The following VSTM4 variants were observed in gnomAD, a reference collection of about 807,000 sequenced individuals.
VSTM4 encodes V-set and transmembrane domain containing 4.
Under a neutral mutation model 36.4 loss-of-function variants are expected in VSTM4, and 20 were observed. The ratio of observed to expected loss-of-function variants is 0.55; its 90% CI spans 0.39 to 0.80. VSTM4 has a LOEUF of 0.80. VSTM4 is among the 30% of genes least tolerant of loss of function. The pLI, the probability that VSTM4 is intolerant of heterozygous loss-of-function variation, is 0.00. For synonymous variants in VSTM4, 182 were observed against 173.9 expected (o/e 1.05, Z -0.37); for missense variants, 392 against 404.5 (o/e 0.97, Z 0.26).
rs1394308527 is a variant in VSTM4 at position 49,115,430 on chromosome 10, C to CCCGGAG, written c.50_55dup (p.Ala17_Pro18dup). Reference sequence around the variant, plus strand: ...CTCCCGCCTGGCCCCGCCGCGCTTACCCGGAGCCGGAGCCCGCGCCAGCAG... The same window carrying CCCGGAG: ...CTCCCGCCTGGCCCCGCCGCGCTTACCCGGAGCCGGAGCCGGAGCCCGCGCCAGCAG... On this transcript the variant is annotated inframe_insertion and splice_region_variant. Transcript: ENST00000332853. The CCCGGAG allele has an allele frequency of 3.8e-6, 4 of 1,043,200 alleles. No individual in the cohort carries two copies. The highest frequency in any genetic ancestry group is 6.4e-5 in the South Asian group (2 of 31,056). 64.6% of individuals were successfully genotyped at this position (1,043,200 alleles called of 1,614,324 possible).
rs1210848915 is a variant in VSTM4 at position 49,016,890 on chromosome 10, A to G, written c.*2760T>C. 1 of 152,376 alleles carries G rather than the reference A, an allele frequency of 6.6e-6. No individual in the cohort carries two copies. The highest frequency in any genetic ancestry group is 1.5e-5 in the Non-Finnish European group (1 of 68,078). The allele number at this position is 152,376 out of a possible 1,614,324, so 9.4% of individuals were successfully genotyped here. A position where few individuals can be genotyped will look rare whatever the true frequency, so the allele number is the denominator to read the frequency against. ...CCTCCCGGCTTCCTGTGCTGACTCC[A>G]TGCCAACCATGCCAAGGCCAAAACT... On this transcript the variant is annotated 3_prime_UTR_variant, in exon 8 of 8. Transcript: ENST00000332853.
At chr10:49,104,902 C>A (rs977766978) in intron 2 of VSTM4, among the ~76,000 whole-genome samples, 5 of 134,634 alleles carry the variant, frequency 3.7e-5, no homozygotes, top group African/African-American at 1.4e-4. Context: ...GAGAGAGACA[C>A]AGAGAGAGAG....
chr10:49,029,415 C>A (rs529949478), intron 7 of VSTM4, among the ~76,000 whole-genome samples: 3 of 152,338 alleles, frequency 2.0e-5, no homozygotes, highest in African/African-American at 7.2e-5. Context: ...CTTCTGAGAA[C>A]AGAACTCAGA....
intron 5 of VSTM4, among the ~76,000 whole-genome samples, chr10:49,054,938 AG>A (rs34104152): frequency 0.37 from 56,568 of 152,052 alleles, 11,728 homozygotes; most frequent in African/African-American, 0.56. Flanking sequence ...CCTCTGGCCC[AG>A]GGCGATCTTT....
chr10:49,042,414 T>C (rs1242486431), intron 7 of VSTM4, among the ~76,000 whole-genome samples: 1 of 152,176 alleles, frequency 6.6e-6, no homozygotes, highest in African/African-American at 2.4e-5. Flanking sequence ...GAAGACTCTT[T>C]AAAAAACAGG....
At chr10:49,056,208 C>G (rs151060948) in intron 5 of VSTM4, among the ~76,000 whole-genome samples, 1 of 152,248 alleles carries the variant, frequency 6.6e-6, no homozygotes, top group Non-Finnish European at 1.5e-5. Flanking sequence ...CCTGCAGCCG[C>G]GAGGGAAGCT....
intron 7 of VSTM4, among the ~76,000 whole-genome samples, chr10:49,033,706 T>A (rs942313118): frequency 2.0e-5 from 3 of 152,218 alleles, no homozygotes; most frequent in Non-Finnish European, 4.4e-5. Context: ...AGCTCTGCCA[T>A]GTCCTAGTGG....
At chr10:49,025,077 G>A (rs538499198) in intron 7 of VSTM4, among the ~76,000 whole-genome samples, 1 of 152,052 alleles carries the variant, frequency 6.6e-6, no homozygotes, top group African/African-American at 2.4e-5. Flanking sequence ...AGGAGAAGGC[G>A]GCATCTGCAA....
Position 49,115,475 on chromosome 10 carries a change from A to T in VSTM4, c.11T>A (p.Leu4Gln), listed in dbSNP as rs1292668789. Residue 4 changes from leucine to glutamine, a missense_variant, in exon 1 of 8, where the codon CTG becomes CAG. By Grantham distance (113) the Leu-to-Gln change is moderately radical (BLOSUM62 -2). Coordinates refer to ENST00000332853, the MANE Select transcript of VSTM4 (RefSeq NM_001031746.5). ...CAGCAGCGCGGCCGCCGCCAGTGCC[A>T]GCAGCCGCATCTCCCCGCCGCCGCC... Reference protein sequence around the residue: MRLLALAAAALLAR... With the variant: MRLQALAAAALLAR... The T allele has an allele frequency of 1.9e-6, 2 of 1,028,808 alleles. No homozygotes were observed. Among genetic ancestry groups the T allele is most frequent in the African/African-American group, 3.5e-5 (2 of 57,338 alleles). 63.7% of individuals were successfully genotyped at this position (1,028,808 alleles called of 1,614,324 possible).
At position 49,046,335 on chromosome 10, in the gene VSTM4, C is replaced by T. The variant is rs79417421; in HGVS notation, c.837+648G>A. ...CAAGGCCAAGAAAGAAAAAGAAAGCCTGCAAATCTGTCTTGGATTGTTGGA... is the reference window on the plus strand; with the variant it reads ...CAAGGCCAAGAAAGAAAAAGAAAGCTTGCAAATCTGTCTTGGATTGTTGGA... On this transcript the variant is annotated intron_variant, in intron 7 of 7. Coordinates refer to ENST00000332853, the MANE Select transcript of VSTM4 (RefSeq NM_001031746.5). 0.011 allele frequency among the ~76,000 whole-genome samples: 1,601 copies of T among 152,286 alleles called. 60 individuals are homozygous for T. The South Asian group carries it at 0.12, about 12-fold the overall frequency.
At chr10:49,104,948 CAGAG>C (rs1844740920) in intron 2 of VSTM4, among the ~76,000 whole-genome samples, 1 of 143,694 alleles carries the variant, frequency 7.0e-6, no homozygotes, top group South Asian at 2.4e-4. Flanking sequence ...GAGAAAGACA[CAGAG>C]GGAGAGAGAC....
At chr10:49,070,451 A>G (rs1464734861) in intron 4 of VSTM4, among the ~76,000 whole-genome samples, 1 of 151,930 alleles carries the variant, frequency 6.6e-6, no homozygotes, top group Non-Finnish European at 1.5e-5. Context: ...TGGCTGACAT[A>G]TTTCTAGGGG....
intron 2 of VSTM4, among the ~76,000 whole-genome samples, chr10:49,105,295 C>G (rs1844757679): frequency 9.0e-6 from 1 of 111,550 alleles, no homozygotes; most frequent in African/African-American, 3.6e-5. Context: ...CGAAGAGACA[C>G]AGAGGGAGGA....
intron 2 of VSTM4, among the ~76,000 whole-genome samples, chr10:49,093,639 ACTG>A (rs1332823443): frequency 6.6e-6 from 1 of 150,826 alleles, no homozygotes; most frequent in African/African-American, 2.4e-5. Context: ...AAAATCCATC[ACTG>A]TGCACCAGAC....
chr10:49,055,131 A>T (rs1231639956), intron 5 of VSTM4, among the ~76,000 whole-genome samples: 1 of 152,122 alleles, frequency 6.6e-6, no homozygotes, highest in Non-Finnish European at 1.5e-5. Context: ...CAAGCCAAAG[A>T]TCCCCATTCA....
intron 1 of VSTM4, among the ~76,000 whole-genome samples, chr10:49,108,551 A>G (rs868741144): frequency 6.6e-6 from 1 of 152,134 alleles, no homozygotes; most frequent in South Asian, 2.1e-4. Context: ...CGCTATTTCA[A>G]CTGTACCCAG....
chr10:49,037,809 G>A (rs917994052), intron 7 of VSTM4, among the ~76,000 whole-genome samples: 4 of 152,028 alleles, frequency 2.6e-5, no homozygotes, highest in African/African-American at 9.7e-5. Context: ...GACTTGAATA[G>A]CCATTTCTCC....
chr10:49,093,465 G>A (rs1844514546), intron 2 of VSTM4, among the ~76,000 whole-genome samples: 1 of 152,204 alleles, frequency 6.6e-6, no homozygotes, highest in South Asian at 2.1e-4. Context: ...CAGCTTTCAA[G>A]AAACAATGAT....
rs1844948360 is a variant in VSTM4 at position 49,114,223 on chromosome 10, T to C, written c.55+1208A>G. Among the ~76,000 whole-genome samples, 3 of 152,186 alleles carry C rather than the reference T, an allele frequency of 2.0e-5. No homozygotes were observed. In the South Asian group the frequency reaches 6.2e-4, roughly 32 times the overall value. On this transcript the variant is annotated intron_variant, in intron 1 of 7. Transcript: ENST00000332853. ...TTCACTGGGAACCTGGCTGCACTCA[T>C]AGCTGGGGGACAGTAGATGGATTTC...
Sources: gnomAD v4.1 joint callset for allele counts (sites outside exome capture counted in the v4.1 genomes callset) on GRCh38, gnomAD v4.1.1 for gene constraint, MANE v1.5 for transcripts, NCBI Gene and HGNC (gene_info 2026-07-23, HGNC 2026-07-21) for gene names.